The following TAFA4 variants were observed in gnomAD, a reference collection of about 807,000 sequenced individuals.
TAFA4 encodes the protein chemokine-like protein TAFA-4.
Under a neutral mutation model 21.1 loss-of-function variants are expected in TAFA4, and 20 were observed. The observed-to-expected ratio is 0.95, with a 90% confidence interval of 0.67 to 1.38. The LOEUF is 1.38. Ranked by LOEUF, TAFA4 falls within the 40% of genes most tolerant of loss-of-function variation. The pLI is 0.00. For synonymous variants in TAFA4, 71 were observed against 67.4 expected (o/e 1.05, Z -0.26); for missense variants, 211 against 180.9 (o/e 1.17, Z -0.95).
chr3:68,747,043 A>T (rs1702472256), intron 4 of TAFA4, among the ~76,000 whole-genome samples: 1 of 152,188 alleles, frequency 6.6e-6, no homozygotes, highest in African/African-American at 2.4e-5. Flanking sequence ...CCCCTGGTTG[A>T]GAAACTGATC....
In TAFA4 at chr3:68,824,865, C is replaced by A. The variant is rs534601218; in HGVS notation, c.130+55865G>T. ...CTACTTTTAAGTACCTACTATGAAT[C>A]GGGCATTTTACGCGTACGGGATTTT... On this transcript the variant is annotated intron_variant, in intron 3 of 5. Transcript: ENST00000295569. Among the ~76,000 whole-genome samples, 62 of 152,262 alleles carry A rather than the reference C, an allele frequency of 4.1e-4. 1 individual carries two copies. The South Asian group carries it at 0.012, about 30-fold the overall frequency.
intron 3 of TAFA4, among the ~76,000 whole-genome samples, chr3:68,768,587 T>C (rs1235297531): frequency 6.6e-6 from 1 of 152,070 alleles, no homozygotes; most frequent in Admixed American, 6.5e-5. Flanking sequence ...TCCAGCAATC[T>C]CACTACCTGG....
intron 3 of TAFA4, among the ~76,000 whole-genome samples, chr3:68,853,336 A>G (rs1704994182): frequency 6.6e-6 from 1 of 152,148 alleles, no homozygotes; most frequent in African/African-American, 2.4e-5. Flanking sequence ...ACTCCGTAAT[A>G]TCTATCTTCC....
At chr3:68,861,271 A>G (rs1177577169) in intron 3 of TAFA4, among the ~76,000 whole-genome samples, 1 of 151,844 alleles carries the variant, frequency 6.6e-6, no homozygotes, top group Non-Finnish European at 1.5e-5. Flanking sequence ...TTCTGCAGCA[A>G]TTGGAATCTT....
In TAFA4 at chr3:68,880,712, T is replaced by G. The variant is rs201386197; in HGVS notation, c.130+18A>C. The G allele has an allele frequency of 2.6e-5, 42 of 1,607,666 alleles. No homozygotes were observed. The highest frequency in any genetic ancestry group is 3.2e-5 in the Non-Finnish European group (37 of 1,174,316). On this transcript the variant is annotated intron_variant, in intron 3 of 5. Coordinates refer to ENST00000295569, the MANE Select transcript of TAFA4 (RefSeq NM_182522.5). The stretch of plus-strand genomic sequence containing the variant: ...GTTTTATTATCTCAGCAGTGCATAA[T>G]GAGCTTAAAGGGCTTACCTGCATGT...
chr3:68,798,421 G>C (rs752543550), intron 3 of TAFA4, among the ~76,000 whole-genome samples: 1 of 152,162 alleles, frequency 6.6e-6, no homozygotes, highest in Non-Finnish European at 1.5e-5. Flanking sequence ...GACAATGTAA[G>C]TGCAAACAAA....
chr3:68,758,725 G>A (rs867397780), intron 3 of TAFA4, among the ~76,000 whole-genome samples: 20 of 152,060 alleles, frequency 1.3e-4, no homozygotes, highest in Admixed American at 1.0e-3. Flanking sequence ...GTAGGTACTC[G>A]GCAACAGGTA....
intron 3 of TAFA4, among the ~76,000 whole-genome samples, chr3:68,761,736 G>C (rs1039162798): frequency 6.6e-6 from 1 of 152,132 alleles, no homozygotes; most frequent in African/African-American, 2.4e-5. Flanking sequence ...ATTAAAGAGG[G>C]GCAAGGATGG....
chr3:68,833,898 GT>G (rs762212641), intron 3 of TAFA4, among the ~76,000 whole-genome samples: 2 of 152,182 alleles, frequency 1.3e-5, no homozygotes, highest in Admixed American at 6.5e-5. Context: ...CTAAGTTTCA[GT>G]TGCCTCAACT....
chr3:68,753,527 G>C (rs1702601313), intron 3 of TAFA4, among the ~76,000 whole-genome samples: 1 of 151,966 alleles, frequency 6.6e-6, no homozygotes, highest in East Asian at 1.9e-4. Context: ...GTAGAGACAG[G>C]GTTTCACAAT....
At chr3:68,908,550 C>T (rs774231929) in intron 1 of TAFA4, among the ~76,000 whole-genome samples, 84 of 151,816 alleles carry the variant, frequency 5.5e-4, no homozygotes, top group Non-Finnish European at 1.0e-3. Flanking sequence ...CATCAAGGTG[C>T]CCAATTCACA....
chr3:68,858,151 C>T (rs1373770263), intron 3 of TAFA4, among the ~76,000 whole-genome samples: 3 of 152,096 alleles, frequency 2.0e-5, no homozygotes, highest in Non-Finnish European at 2.9e-5. Flanking sequence ...TCTGATTCAT[C>T]GCTTCTCCAC....
Position 68,840,368 on chromosome 3 carries a change from C to T in TAFA4, c.130+40362G>A, listed in dbSNP as rs117265015. On this transcript the variant is annotated intron_variant, in intron 3 of 5. Coordinates refer to ENST00000295569, the MANE Select transcript of TAFA4 (RefSeq NM_182522.5). ...GGACCACAGGCATGTGCCACCATGC[C>T]CAACTAATTTTTGTATTTGTATCTC... Among the ~76,000 whole-genome samples, 10 of 152,102 alleles carry T rather than the reference C, an allele frequency of 6.6e-5. No homozygotes were observed. The East Asian group carries it at 1.9e-3, about 30-fold the overall frequency.
At chr3:68,774,431 A>G (rs926590456) in intron 3 of TAFA4, among the ~76,000 whole-genome samples, 2 of 152,122 alleles carry the variant, frequency 1.3e-5, no homozygotes, top group African/African-American at 4.8e-5. Context: ...CTGCTTGTGG[A>G]AAGGAAAATT....
intron 3 of TAFA4, among the ~76,000 whole-genome samples, chr3:68,861,660 A>G (rs2089346435): frequency 6.6e-6 from 1 of 152,038 alleles, no homozygotes; most frequent in African/African-American, 2.4e-5. Context: ...CCCAGAGCAG[A>G]GTGAGCCAAC....
intron 3 of TAFA4, among the ~76,000 whole-genome samples, chr3:68,755,760 C>T (rs949622695): frequency 2.0e-5 from 3 of 152,160 alleles, no homozygotes; most frequent in Non-Finnish European, 2.9e-5. Flanking sequence ...TGACAATAGC[C>T]GAGTCAGTAA....
At chr3:68,916,374 C>T (rs1037236686) in intron 1 of TAFA4, among the ~76,000 whole-genome samples, 1 of 152,182 alleles carries the variant, frequency 6.6e-6, no homozygotes, top group Non-Finnish European at 1.5e-5. Context: ...TCCATTTGAT[C>T]CTTCCCAGAA....
intron 4 of TAFA4, among the ~76,000 whole-genome samples, chr3:68,747,784 C>T (rs1386395652): frequency 1.3e-5 from 2 of 152,066 alleles, no homozygotes; most frequent in Non-Finnish European, 2.9e-5. Flanking sequence ...GTTCATAATA[C>T]TTCATACTCT....
intron 3 of TAFA4, among the ~76,000 whole-genome samples, chr3:68,825,163 C>T (rs1704199890): frequency 6.6e-6 from 1 of 152,118 alleles, no homozygotes; most frequent in South Asian, 2.1e-4. Flanking sequence ...ATGTGATGAT[C>T]ACCTCCCTGT....
Sources: gnomAD v4.1 joint callset for allele counts (sites outside exome capture counted in the v4.1 genomes callset) on GRCh38, gnomAD v4.1.1 for gene constraint, MANE v1.5 for transcripts, NCBI Gene and HGNC (gene_info 2026-07-23, HGNC 2026-07-21) for gene names.